PPM1F: variants seen among roughly 807,000 people sequenced by gnomAD.
PPM1F encodes protein phosphatase, Mg2+/Mn2+ dependent 1F, also known as protein phosphatase 1F.
Under a neutral mutation model 35.5 loss-of-function variants are expected in PPM1F, and 17 were observed. The ratio of observed to expected loss-of-function variants is 0.48; its 90% confidence interval spans 0.33 to 0.72. The LOEUF is 0.72. Among genes scored for constraint, PPM1F ranks in the 30% least tolerant of loss-of-function variants. The pLI is 0.02. For synonymous variants in PPM1F, 241 were observed against 255.5 expected, an observed-to-expected ratio of 0.94 and a Z score of 0.54; for missense variants, 521 against 613.0, an observed-to-expected ratio of 0.85 and a Z score of 1.59.
rs1039442328 is a variant in PPM1F, at chr22:21,939,722, G to A, written c.207-42C>T. 2 of 1,549,424 alleles carry A rather than the reference G, an allele frequency of 1.3e-6. No homozygotes were observed. The highest frequency in any genetic ancestry group is 8.7e-7 in the Non-Finnish European group (1 of 1,145,866). On this transcript the variant is annotated intron_variant, in intron 2 of 7. Coordinates refer to ENST00000263212, the MANE Select transcript of PPM1F (RefSeq NM_014634.4). This position sits in a 1 kb window ranked among gnomAD's most constrained non-coding sequence, Gnocchi z 5.1. ...GGAAGTGAGGGGCAGCCCCCAGCAG[G>A]AGACCACACCTAGCCCCCCTTCCCC...
rs949606473 is a variant in PPM1F, at chr22:21,922,103, C to A, written c.*989G>T. 4 of 152,602 alleles carry A rather than the reference C, an allele frequency of 2.6e-5. No homozygotes were observed. Among genetic ancestry groups the A allele is most frequent in the African/African-American group, 9.7e-5 (4 of 41,444 alleles). The allele number at this position is 152,602 out of a possible 1,614,324, so 9.5% of individuals were successfully genotyped here. ...TGCTTTTCTAAAAACCTCAATGGGC[C>A]TATCCGAGCCCACTGCAGTCCTAGT... On this transcript the variant is annotated 3_prime_UTR_variant, in exon 8 of 8. Coordinates refer to ENST00000263212, the MANE Select transcript of PPM1F (RefSeq NM_014634.4).
intron 1 of PPM1F, chr22:21,946,877 T>C (rs1420040414): frequency 6.6e-6 from 1 of 152,176 alleles, no homozygotes; most frequent in Non-Finnish European, 1.5e-5. Context: ...CTGTGCGGCA[T>C]GTGGGCTCTT....
At chr22:21,940,464 T>A (rs1426189494) in intron 2 of PPM1F, 1 of 148,708 alleles carries the variant, frequency 6.7e-6, no homozygotes, top group Admixed American at 6.7e-5. Flanking sequence ...CAGAGCAAGA[T>A]GCTGTCTCCA....
chr22:21,933,952 G>A lies in PPM1F; in HGVS notation c.558+72C>T, dbSNP rs910548583. 7.0e-6 allele frequency: 10 copies of A among 1,418,540 alleles called. No individual in the cohort carries two copies. The African/African-American group carries it at 1.1e-4, about 16-fold the overall frequency. The allele number at this position is 1,418,540 out of a possible 1,614,324, so 87.9% of individuals were successfully genotyped here. A position where few individuals can be genotyped will look rare whatever the true frequency, so the allele number is the denominator to read the frequency against. ...TCAGCCTTGGTGGGCAGCTCTTCTC[G>A]GTACCTGGGGGGCCCCCACCCTCGC... On this transcript the variant is annotated intron_variant, in intron 4 of 7. Transcript: ENST00000263212.
chr22:21,938,484 C>G, intron 3 of PPM1F: 1 of 1,106,238 alleles, frequency 9.0e-7, no homozygotes, highest in Non-Finnish European at 1.1e-6. Context: ...CCCACTGATG[C>G]TGGCGGCCTC....
Position 21,919,879 on chromosome 22 carries a change from AGAG to A in PPM1F, c.*3210_*3212del, listed in dbSNP as rs1198975833. 6.6e-6 allele frequency: 1 copy of A among 151,956 alleles called. No individual in the cohort carries two copies. 9.4% of individuals were successfully genotyped at this position (151,956 alleles called of 1,614,324 possible). On this transcript the variant is annotated 3_prime_UTR_variant, in exon 8 of 8. Coordinates refer to ENST00000263212, the MANE Select transcript of PPM1F (RefSeq NM_014634.4). ...GTGCCCACGCTGGGCTCACCATAGG[AGAG>A]GAGAGGAGAGGGAGGGGGCCCCATA...
chr22:21,940,035 C>G (rs909568074), intron 2 of PPM1F, among the ~76,000 whole-genome samples: 14 of 152,132 alleles, frequency 9.2e-5, no homozygotes, highest in East Asian at 3.9e-4. Flanking sequence ...TTGTGTCCCC[C>G]CTAAATTCAT....
intron 5 of PPM1F, 81 bp downstream of exon 5, chr22:21,933,310 C>T: frequency 1.5e-6 from 2 of 1,341,146 alleles, no homozygotes; most frequent in Admixed American, 4.1e-5. Flanking sequence ...CCACCAGCCC[C>T]TTTGGCGTTT....
At chr22:21,930,789 C>T (rs1388940861) in intron 6 of PPM1F, among the ~76,000 whole-genome samples, 2 of 152,216 alleles carry the variant, frequency 1.3e-5, no homozygotes, top group African/African-American at 2.4e-5. Context: ...TTCCCTCCAG[C>T]CTCGGGGCAG....
intron 6 of PPM1F, among the ~76,000 whole-genome samples, chr22:21,929,698 G>A (rs78550634): frequency 1.6e-3 from 237 of 152,272 alleles, no homozygotes; most frequent in Non-Finnish European, 2.5e-3. Context: ...GCAGGGGAGT[G>A]GCAGAGACTA....
rs771821959 is a variant in PPM1F, at chr22:21,923,164, C to A, written c.1293G>T (p.Gln431His). 1.2e-6 allele frequency: 2 copies of A among 1,613,600 alleles called. No individual in the cohort carries two copies. Among genetic ancestry groups the A allele is most frequent in the East Asian group, 4.5e-5 (2 of 44,884 alleles). Residue 431 changes from glutamine (Q) to histidine (H), a missense_variant, in exon 8 of 8, where the codon CAG becomes CAT. Transcript: ENST00000263212. ...EGGNQGEGDP[Q>H]AEGRRQDLPS... ...GCAAGTCCTGCCTCCTCCCTTCTGC[C>A]TGGGGGTCCCCTTCTCCCTGGTTCC...
At chr22:21,932,458 G>T (rs1178416756) in intron 5 of PPM1F, among the ~76,000 whole-genome samples, 2 of 152,160 alleles carry the variant, frequency 1.3e-5, no homozygotes, top group Admixed American at 1.3e-4. Context: ...TTCCATGAAG[G>T]TCTGTGCTCA....
chr22:21,922,867 G>T lies in PPM1F; in HGVS notation c.*225C>A. 1 of 568,082 alleles carries T rather than the reference G, an allele frequency of 1.8e-6. No homozygotes were observed. The highest frequency in any genetic ancestry group is 3.1e-6 in the Non-Finnish European group (1 of 325,826). 35.2% of individuals were successfully genotyped at this position (568,082 alleles called of 1,614,324 possible). ...GCAAGAGCCGGTCCATCTTCTCTTTGGTGAGGTCTCCTAAGCTGCCTTCCA... is the reference window on the plus strand; with the variant it reads ...GCAAGAGCCGGTCCATCTTCTCTTTTGTGAGGTCTCCTAAGCTGCCTTCCA... On this transcript the variant is annotated 3_prime_UTR_variant, in exon 8 of 8. Coordinates refer to ENST00000263212, the MANE Select transcript of PPM1F (RefSeq NM_014634.4).
At position 21,933,583 on chromosome 22, in the gene PPM1F, G is replaced by A. The variant is rs370005724; in HGVS notation, c.559-4C>T. On this transcript the variant is annotated splice_region_variant and splice_polypyrimidine_tract_variant and intron_variant, in intron 4 of 7. Coordinates refer to ENST00000263212, the MANE Select transcript of PPM1F (RefSeq NM_014634.4). Reference sequence around the variant, plus strand: ...AGTAGGCGCGGTTCACAGGGTCCTGGTGGGGATGTGGTGGGAGTCACAGAC... The same window carrying A: ...AGTAGGCGCGGTTCACAGGGTCCTGATGGGGATGTGGTGGGAGTCACAGAC... 1 of 1,605,700 alleles carries A rather than the reference G, an allele frequency of 6.2e-7. No homozygotes were observed. Among genetic ancestry groups the A allele is most frequent in the African/African-American group, 1.3e-5 (1 of 74,928 alleles).
At chr22:21,925,306 A>G (rs2070499045) in intron 7 of PPM1F, 1 of 432,132 alleles carries the variant, frequency 2.3e-6, no homozygotes, top group South Asian at 7.2e-5. Context: ...TAGGGTGGTG[A>G]GCCACAGGTT....
chr22:21,932,233 G>A (rs555706555), intron 5 of PPM1F, among the ~76,000 whole-genome samples: 2 of 152,312 alleles, frequency 1.3e-5, no homozygotes, highest in Admixed American at 6.5e-5. Flanking sequence ...GATTACAGGC[G>A]TGAGCCACTG....
At position 21,922,544 on chromosome 22, in the gene PPM1F, C is replaced by G. The variant is rs904365865; in HGVS notation, c.*548G>C. The G allele has an allele frequency of 6.5e-6, 1 of 152,834 alleles. No individual in the cohort carries two copies. Among genetic ancestry groups the G allele is most frequent in the Non-Finnish European group, 1.5e-5 (1 of 68,538 alleles). The allele number at this position is 152,834 out of a possible 1,614,324, so 9.5% of individuals were successfully genotyped here. A position where few individuals can be genotyped will look rare whatever the true frequency, so the allele number is the denominator to read the frequency against. ...GGGGTGGCTGCTACAGAACAGACCCCTGGCTCTGCTGCGCTCTCCTCTTTG... is the reference window on the plus strand; with the variant it reads ...GGGGTGGCTGCTACAGAACAGACCCGTGGCTCTGCTGCGCTCTCCTCTTTG... On this transcript the variant is annotated 3_prime_UTR_variant, in exon 8 of 8. Transcript: ENST00000263212.
At chr22:21,938,312 G>C (rs972665620) in intron 3 of PPM1F, 410 of 1,221,502 alleles carry the variant, frequency 3.4e-4, no homozygotes, top group Admixed American at 1.3e-3. Flanking sequence ...AGGAGCAGCA[G>C]CTGCCACCGG....
chr22:21,926,877 G>A (rs1008124045), intron 6 of PPM1F, among the ~76,000 whole-genome samples: 2 of 152,218 alleles, frequency 1.3e-5, no homozygotes, highest in African/African-American at 4.8e-5. Flanking sequence ...AGACGGACAT[G>A]CACTGCGGGA....
Sources: gnomAD v4.1 joint callset for allele counts (sites outside exome capture counted in the v4.1 genomes callset) on GRCh38, gnomAD v4.1.1 for gene constraint, Gnocchi (gnomAD v3.1) non-coding constraint, MANE v1.5 for transcripts, NCBI Gene and HGNC (gene_info 2026-07-23, HGNC 2026-07-21) for gene names.